TASP1: variants seen among roughly 807,000 people sequenced by gnomAD.
The protein encoded by TASP1 is taspase 1.
TASP1 carries 16 observed loss-of-function variants against 56.6 expected under a neutral mutation model. That is an observed-to-expected ratio of 0.28 (90% CI 0.19 to 0.43). The LOEUF (loss-of-function observed/expected upper bound fraction) is 0.43. TASP1 is among the 20% of genes least tolerant of loss of function. TASP1 has a pLI of 1.00. For missense variants in TASP1, 393 were observed against 511.6 expected, an observed-to-expected ratio of 0.77 and a Z score of 2.24; for synonymous variants, 179 against 184.2, an observed-to-expected ratio of 0.97 and a Z score of 0.23.
the TASP1 span, among the ~76,000 whole-genome samples, chr20:13,334,071 G>A: frequency 5.3e-5 from 8 of 152,308 alleles, no homozygotes; most frequent in South Asian, 1.2e-3. Context: ...ATGGGAACAC[G>A]TAAGGATGGG....
At chr20:13,351,625 G>A in the TASP1 span, among the ~76,000 whole-genome samples, 7 of 152,208 alleles carry the variant, frequency 4.6e-5, no homozygotes, top group Non-Finnish European at 1.0e-4. Flanking sequence ...GTTGCTTGGG[G>A]TGAGGAGAGA....
At chr20:13,223,156 CAAAA>C in the TASP1 span, among the ~76,000 whole-genome samples, 6 of 120,130 alleles carry the variant, frequency 5.0e-5, no homozygotes, top group Non-Finnish European at 6.9e-5. Context: ...GACTCCGTCT[CAAAA>C]AAAAAATAAA....
intron 12 of TASP1, among the ~76,000 whole-genome samples, chr20:13,421,629 A>C (rs779121509): frequency 6.6e-6 from 1 of 152,162 alleles, no homozygotes; most frequent in Non-Finnish European, 1.5e-5. Context: ...CGCAAATTAA[A>C]ATCACAAGAT....
rs2047336648 is a variant in TASP1 at position 13,587,173 on chromosome 20, CTG to C, written c.403+75_403+76del. The C allele has an allele frequency of 2.7e-6, 4 of 1,477,436 alleles. No homozygotes were observed. In the East Asian group the frequency reaches 7.2e-5, roughly 27 times the overall value. The allele number at this position is 1,477,436 out of a possible 1,614,324, so 91.5% of individuals were successfully genotyped here. A position where few individuals can be genotyped will look rare whatever the true frequency, so the allele number is the denominator to read the frequency against. On this transcript the variant is annotated intron_variant, in intron 5 of 13. Coordinates refer to ENST00000337743, the MANE Select transcript of TASP1 (RefSeq NM_017714.3). The stretch of plus-strand genomic sequence containing the variant: ...TTCCAAGCAGAAATGGTGAAAAAGA[CTG>C]TAATCATCTTTAGAAGGCATGAAAT...
the TASP1 span, among the ~76,000 whole-genome samples, chr20:13,231,124 A>C: frequency 2.0e-5 from 3 of 152,194 alleles, no homozygotes; most frequent in African/African-American, 7.2e-5. Context: ...ACCCACACTA[A>C]GTGAACCACA....
At chr20:13,163,739 C>T in the TASP1 span, among the ~76,000 whole-genome samples, 30 of 152,012 alleles carry the variant, frequency 2.0e-4, no homozygotes, top group Admixed American at 2.0e-3. Flanking sequence ...ATTAGTCACC[C>T]ATTCTAACAT....
rs2047747375 is a variant in TASP1, at chr20:13,596,738, C to T, written c.283-9368G>A. The stretch of plus-strand genomic sequence containing the variant: ...AAAACCCTTCACAAAATCAATGAAT[C>T]CAGGAGCTGGTTTTTTGAAAAGATC... On this transcript the variant is annotated intron_variant, in intron 4 of 13. Transcript: ENST00000337743. Among the ~76,000 whole-genome samples the T allele has an allele frequency of 2.6e-5, 4 of 152,148 alleles. No homozygotes were observed. In the South Asian group the frequency reaches 6.2e-4, roughly 24 times the overall value.
chr20:13,333,528 T>C, the TASP1 span, among the ~76,000 whole-genome samples: 1 of 152,134 alleles, frequency 6.6e-6, no homozygotes, highest in African/African-American at 2.4e-5. Context: ...AATATTCACG[T>C]TTTTTCCACC....
At chr20:13,229,485 TTGTG>T in the TASP1 span, among the ~76,000 whole-genome samples, 1 of 152,230 alleles carries the variant, frequency 6.6e-6, no homozygotes, top group Non-Finnish European at 1.5e-5. Flanking sequence ...TTCATTTATT[TTGTG>T]TGTATCAGTA....
At chr20:13,374,749 G>A in the TASP1 span, among the ~76,000 whole-genome samples, 1 of 152,094 alleles carries the variant, frequency 6.6e-6, no homozygotes, top group Non-Finnish European at 1.5e-5. Flanking sequence ...TTTTGTTGCT[G>A]TTTCTTTGCT....
chr20:13,110,231 A>G, the TASP1 span: 2 of 1,608,464 alleles, frequency 1.2e-6, no homozygotes, highest in Non-Finnish European at 1.7e-6. Context: ...TGTAAATAAC[A>G]GGACACATTT....
intron 7 of TASP1, among the ~76,000 whole-genome samples, chr20:13,566,056 G>A (rs1288256226): frequency 6.6e-6 from 1 of 152,154 alleles, no homozygotes; most frequent in African/African-American, 2.4e-5. Context: ...GATGAACCTT[G>A]AAGAAGTCAT....
intron 7 of TASP1, among the ~76,000 whole-genome samples, chr20:13,561,865 C>T (rs1234383739): frequency 7.3e-6 from 1 of 136,136 alleles, no homozygotes; most frequent in East Asian, 2.1e-4. Flanking sequence ...AAATGTAATC[C>T]CCATTGTAAC....
chr20:13,457,662 T>G (rs2043896563), intron 11 of TASP1, among the ~76,000 whole-genome samples: 1 of 152,170 alleles, frequency 6.6e-6, no homozygotes. Flanking sequence ...GTTTCTTAAA[T>G]AGTCATTAAT....
intron 5 of TASP1, among the ~76,000 whole-genome samples, chr20:13,581,260 A>G (rs991520374): frequency 3.3e-5 from 5 of 152,334 alleles, no homozygotes; most frequent in East Asian, 1.9e-4. Context: ...AATACTACAT[A>G]TTTAAATTAG....
At chr20:13,228,650 A>G in the TASP1 span, among the ~76,000 whole-genome samples, 1 of 152,114 alleles carries the variant, frequency 6.6e-6, no homozygotes, top group Non-Finnish European at 1.5e-5. Context: ...AGTCCTGTTC[A>G]GCATATGGTG....
At chr20:13,317,999 A>T in the TASP1 span, among the ~76,000 whole-genome samples, 2 of 152,116 alleles carry the variant, frequency 1.3e-5, no homozygotes, top group African/African-American at 4.8e-5. Flanking sequence ...GTCTGCATGA[A>T]AAAACAAGCC....
chr20:13,254,759 G>A, the TASP1 span, among the ~76,000 whole-genome samples: 281 of 152,348 alleles, frequency 1.8e-3, 3 homozygotes, highest in Admixed American at 0.017. Context: ...GAGCCAGGGA[G>A]AACTTTTCCA....
chr20:13,205,965 G>A, the TASP1 span, among the ~76,000 whole-genome samples: 7 of 152,192 alleles, frequency 4.6e-5, no homozygotes, highest in African/African-American at 1.2e-4. Flanking sequence ...GTCTGTCATT[G>A]TTTGAGGACT....
Sources: gnomAD v4.1 joint callset for allele counts (sites outside exome capture counted in the v4.1 genomes callset) on GRCh38, gnomAD v4.1.1 for gene constraint, MANE v1.5 for transcripts, NCBI Gene and HGNC (gene_info 2026-07-23, HGNC 2026-07-21) for gene names.